The following HYDIN variants were observed in gnomAD, a reference collection of about 807,000 sequenced individuals.
HYDIN encodes the protein HYDIN axonemal central pair apparatus protein, also known as axonemal central pair apparatus protein HYDIN.
In HYDIN, 132 loss-of-function variants were observed where a neutral mutation model predicts 403.9. The ratio of observed to expected loss-of-function variants is 0.33; its 90% CI spans 0.28 to 0.38. HYDIN has a LOEUF of 0.38. Among genes scored for constraint, HYDIN ranks in the 10% least tolerant of loss-of-function variants. The pLI is 1.00. For synonymous variants in HYDIN, 1,202 were observed against 1,891.7 expected, an observed-to-expected ratio of 0.64 and a Z score of 9.46; for missense variants, 2,827 against 5,009.5, an observed-to-expected ratio of 0.56 and a Z score of 13.15.
chr16:71,223,010 A>G (rs2040869474), intron 1 of HYDIN, among the ~76,000 whole-genome samples: 1 of 152,208 alleles, frequency 6.6e-6, no homozygotes, highest in African/African-American at 2.4e-5. Context: ...GAGCTCACAA[A>G]GCTAAAGCAA....
At chr16:71,138,930 C>G (rs1230982746) in intron 7 of HYDIN, among the ~76,000 whole-genome samples, 3 of 151,712 alleles carry the variant, frequency 2.0e-5, no homozygotes, top group Non-Finnish European at 2.9e-5. Context: ...CTAAAAAATA[C>G]AAAATTAGCT....
chr16:70,882,953 G>T, intron 59 of HYDIN, 58 bp from the exon 60 acceptor site: 4 of 1,362,410 alleles, frequency 2.9e-6, no homozygotes, highest in Non-Finnish European at 4.2e-6. Flanking sequence ...CCCACTCTGT[G>T]ATTCCTAATT....
At position 71,206,960 on chromosome 16, in the gene HYDIN, A is replaced by T. The variant is rs186075319; in HGVS notation, c.-23-20042T>A. 1.4e-3 allele frequency among the ~76,000 whole-genome samples: 207 copies of T among 152,346 alleles called. 1 individual carries two copies. The highest frequency in any genetic ancestry group is 4.8e-3 in the African/African-American group (201 of 41,586). The stretch of plus-strand genomic sequence containing the variant: ...CCAAATCTATGACTCACTGGTGTCC[A>T]TGAAAGAGACTGGGAGAAAGGAAGC... On this transcript the variant is annotated intron_variant, in intron 1 of 85. Coordinates refer to ENST00000393567, the MANE Select transcript of HYDIN (RefSeq NM_001270974.2).
chr16:71,163,419 G>T (rs777059272), intron 5 of HYDIN, among the ~76,000 whole-genome samples: 3 of 152,138 alleles, frequency 2.0e-5, no homozygotes, highest in Non-Finnish European at 4.4e-5. Context: ...CACCGCGCCC[G>T]GCCGATGTTT....
At chr16:70,933,615 A>G (rs552656726) in intron 45 of HYDIN, 1 of 154,612 alleles carries the variant, frequency 6.5e-6, no homozygotes, top group East Asian at 1.9e-4. Context: ...AATGATGGTG[A>G]TGATCATATC....
At chr16:71,177,090 T>C (rs559320213) in intron 4 of HYDIN, among the ~76,000 whole-genome samples, 27 of 152,298 alleles carry the variant, frequency 1.8e-4, no homozygotes, top group African/African-American at 6.0e-4. Context: ...GTTCCTAGGA[T>C]GGGACCCTCT....
intron 1 of HYDIN, among the ~76,000 whole-genome samples, chr16:71,205,149 C>A (rs1210772204): frequency 6.6e-6 from 1 of 152,142 alleles, no homozygotes; most frequent in Non-Finnish European, 1.5e-5. Context: ...CAATGGCAGA[C>A]TAGAAGGAGC....
chr16:71,149,689 C>G (rs548772214), intron 7 of HYDIN, among the ~76,000 whole-genome samples: 1 of 152,044 alleles, frequency 6.6e-6, no homozygotes, highest in African/African-American at 2.4e-5. Context: ...GCCATGCCTG[C>G]CTAATTTTTT....
At chr16:71,007,429 T>C (rs576436651) in intron 23 of HYDIN, among the ~76,000 whole-genome samples, 1 of 152,118 alleles carries the variant, frequency 6.6e-6, no homozygotes, top group Non-Finnish European at 1.5e-5. Flanking sequence ...TAATAAGATA[T>C]ACAGAAAAAT....
chr16:71,136,006 T>G (rs1420475218), intron 8 of HYDIN, among the ~76,000 whole-genome samples: 2 of 152,178 alleles, frequency 1.3e-5, no homozygotes, highest in African/African-American at 4.8e-5. Context: ...AGTTTGAAGC[T>G]TCCCAGGGCT....
chr16:71,089,268 C>T (rs2144367469), intron 11 of HYDIN, among the ~76,000 whole-genome samples: 1 of 152,286 alleles, frequency 6.6e-6, no homozygotes, highest in South Asian at 2.1e-4. Flanking sequence ...TATTAGGCGT[C>T]CTACAAGGCA....
intron 19 of HYDIN, among the ~76,000 whole-genome samples, chr16:71,028,921 CATACTGTTT>C (rs1162111438): frequency 6.7e-6 from 1 of 150,116 alleles, no homozygotes; most frequent in Non-Finnish European, 1.5e-5. Context: ...ATAAAAAACA[CATACTGTTT>C]ATAAAGACTA....
At chr16:71,082,972 A>G (rs548553968) in intron 12 of HYDIN, among the ~76,000 whole-genome samples, 20 of 151,642 alleles carry the variant, frequency 1.3e-4, no homozygotes, top group African/African-American at 4.4e-4. Flanking sequence ...TATCACCTCA[A>G]AAAGAAACCT....
At chr16:70,983,826 G>T (rs1380840026) in intron 28 of HYDIN, among the ~76,000 whole-genome samples, 2 of 151,802 alleles carry the variant, frequency 1.3e-5, no homozygotes, top group East Asian at 1.9e-4. Flanking sequence ...AATTACATTT[G>T]TAAGTAAAAC....
In HYDIN at chr16:70,974,533, C is replaced by A; in HGVS notation, c.4909+1G>T. ...GGAAAGGGTCTCCCCAGCCTGGGTA[C>A]CTGTCTCATGAAGGACACGCTTGTC... is the stretch of plus-strand genomic sequence containing the variant. On this transcript the variant is annotated splice_donor_variant, in intron 32 of 85. Transcript: ENST00000393567. LOFTEE classifies it high-confidence loss of function. The A allele has an allele frequency of 6.2e-7, 1 of 1,608,024 alleles. No individual in the cohort carries two copies. The highest frequency in any genetic ancestry group is 8.5e-7 in the Non-Finnish European group (1 of 1,177,898).
intron 3 of HYDIN, among the ~76,000 whole-genome samples, chr16:71,179,714 C>T (rs999296592): frequency 6.6e-6 from 1 of 152,194 alleles, no homozygotes; most frequent in African/African-American, 2.4e-5. Context: ...TAACAAAGTA[C>T]TTGCTTTTTA....
At chr16:71,180,854 T>C (rs2144654328) in intron 3 of HYDIN, among the ~76,000 whole-genome samples, 1 of 152,212 alleles carries the variant, frequency 6.6e-6, no homozygotes, top group Middle Eastern at 3.4e-3. Context: ...TTAGAATTAA[T>C]AAGTGATTTA....
intron 39 of HYDIN, among the ~76,000 whole-genome samples, chr16:70,957,263 A>G (rs1236183499): frequency 4.0e-5 from 6 of 148,292 alleles, no homozygotes; most frequent in Non-Finnish European, 8.9e-5. Context: ...TGACTGTCCT[A>G]TTTCACCTTG....
chr16:71,069,849 G>C (rs6499430), intron 13 of HYDIN, among the ~76,000 whole-genome samples: 1 of 149,534 alleles, frequency 6.7e-6, no homozygotes, highest in South Asian at 2.1e-4. Flanking sequence ...GTAGTCTTGC[G>C]GAAGTATATT....
Sources: allele counts gnomAD v4.1 joint callset (sites outside exome capture counted in the v4.1 genomes callset), GRCh38; gene constraint gnomAD v4.1.1; transcripts MANE v1.5; gene names NCBI Gene and HGNC (gene_info 2026-07-23, HGNC 2026-07-21).